CTDSPL: variants seen among roughly 807,000 people sequenced by gnomAD.
CTDSPL encodes CTD small phosphatase-like protein.
CTDSPL carries 8 observed loss-of-function variants against 30.5 expected under a neutral mutation model. The ratio of observed to expected loss-of-function variants is 0.26; its 90% CI spans 0.15 to 0.47. The LOEUF (loss-of-function observed/expected upper bound fraction) is 0.47. CTDSPL is among the 20% of genes least tolerant of loss of function. CTDSPL has a pLI of 0.99. For synonymous variants in CTDSPL, 110 were observed against 137.9 expected (o/e 0.80, Z 1.42); for missense variants, 248 against 366.1 (o/e 0.68, Z 2.63).
intron 3 of CTDSPL, among the ~76,000 whole-genome samples, chr3:37,961,079 A>G (rs1699240055): frequency 6.6e-6 from 1 of 152,146 alleles, no homozygotes; most frequent in African/African-American, 2.4e-5. Flanking sequence ...TTATACCTTT[A>G]AATCTTTGAT....
At chr3:37,958,566 A>G (rs1699201123) in intron 3 of CTDSPL, among the ~76,000 whole-genome samples, 1 of 152,240 alleles carries the variant, frequency 6.6e-6, no homozygotes, top group Non-Finnish European at 1.5e-5. Flanking sequence ...AGTTAAGTGC[A>G]GAACAAAAGC....
intron 6 of CTDSPL, among the ~76,000 whole-genome samples, chr3:37,974,595 T>C (rs1396936089): frequency 1.3e-5 from 2 of 152,236 alleles, no homozygotes; most frequent in South Asian, 2.1e-4. Flanking sequence ...TCTTCAGTTA[T>C]GAGGATTTTC....
intron 1 of CTDSPL, among the ~76,000 whole-genome samples, chr3:37,871,406 T>A (rs1698069882): frequency 6.6e-6 from 1 of 152,256 alleles, no homozygotes; most frequent in Non-Finnish European, 1.5e-5. Flanking sequence ...TGAATAAAGC[T>A]ACTATAAACA....
At chr3:37,966,350 C>T (rs1275393475) in intron 4 of CTDSPL, among the ~76,000 whole-genome samples, 1 of 152,186 alleles carries the variant, frequency 6.6e-6, no homozygotes, top group East Asian at 1.9e-4. Flanking sequence ...CTCTTCCCTT[C>T]GAAAATGTAC....
chr3:37,916,684 C>G (rs1318754701), intron 1 of CTDSPL, among the ~76,000 whole-genome samples: 1 of 152,166 alleles, frequency 6.6e-6, no homozygotes, highest in Non-Finnish European at 1.5e-5. Context: ...TTTCACACTT[C>G]CAGCCTTCAG....
intron 2 of CTDSPL, among the ~76,000 whole-genome samples, chr3:37,953,422 C>T (rs1272116918): frequency 1.3e-5 from 2 of 152,210 alleles, no homozygotes; most frequent in African/African-American, 4.8e-5. Context: ...AAGTAAGTCA[C>T]ATGACTGCAT....
At chr3:37,899,442 C>T (rs965477045) in intron 1 of CTDSPL, among the ~76,000 whole-genome samples, 1 of 152,136 alleles carries the variant, frequency 6.6e-6, no homozygotes. Flanking sequence ...CAAGGAAAGC[C>T]CCATGTGCAG....
Position 37,950,199 on chromosome 3 carries a change from C to T in CTDSPL, c.234+2988C>T, listed in dbSNP as rs576264968. 2.0e-5 allele frequency among the ~76,000 whole-genome samples: 3 copies of T among 152,292 alleles called. No homozygotes were observed. The South Asian group carries it at 6.2e-4, about 32-fold the overall frequency. ...GGGCTCTGCTGGGCCATGAAAACAGCACTCCTTGCTGGGCCTTGCAGTACT... is the reference window on the plus strand; with the variant it reads ...GGGCTCTGCTGGGCCATGAAAACAGTACTCCTTGCTGGGCCTTGCAGTACT... On this transcript the variant is annotated intron_variant, in intron 2 of 7. Transcript: ENST00000273179.
chr3:37,911,796 C>T (rs778616685), intron 1 of CTDSPL: 27 of 446,336 alleles, frequency 6.0e-5, no homozygotes, highest in African/African-American at 3.8e-4. Flanking sequence ...CGGTGGTTCA[C>T]GCCTATAATC....
intron 1 of CTDSPL, among the ~76,000 whole-genome samples, chr3:37,915,758 T>G (rs1698638437): frequency 6.6e-6 from 1 of 152,242 alleles, no homozygotes; most frequent in Non-Finnish European, 1.5e-5. Flanking sequence ...CTTTGTGAAC[T>G]GTTTCTATTG....
chr3:37,895,633 G>T (rs2125598727), intron 1 of CTDSPL, among the ~76,000 whole-genome samples: 1 of 152,264 alleles, frequency 6.6e-6, no homozygotes, highest in Admixed American at 6.5e-5. Context: ...TCTGAAATCT[G>T]CTTACTGTCT....
At chr3:37,881,979 T>C (rs1208983508) in intron 1 of CTDSPL, among the ~76,000 whole-genome samples, 1 of 152,210 alleles carries the variant, frequency 6.6e-6, no homozygotes, top group Non-Finnish European at 1.5e-5. Context: ...TATATAATTG[T>C]GATATTTATT....
chr3:37,963,219 T>A (rs1699262348), intron 3 of CTDSPL, among the ~76,000 whole-genome samples: 1 of 152,192 alleles, frequency 6.6e-6, no homozygotes, highest in African/African-American at 2.4e-5. Flanking sequence ...AACATGGAGT[T>A]AGAAATGCTT....
intron 1 of CTDSPL, among the ~76,000 whole-genome samples, chr3:37,898,861 G>A (rs1224907564): frequency 1.3e-5 from 2 of 152,160 alleles, no homozygotes; most frequent in African/African-American, 4.8e-5. Flanking sequence ...TTTATGTGTG[G>A]TCAGAGAAGC....
chr3:37,961,749 A>T (rs1699247568), intron 3 of CTDSPL, among the ~76,000 whole-genome samples: 1 of 152,200 alleles, frequency 6.6e-6, no homozygotes, highest in South Asian at 2.1e-4. Context: ...GGGCTTGAGG[A>T]GCACAGCGTG....
rs139631744 is a variant in CTDSPL, at chr3:37,874,082, T to C, written c.79+11804T>C. On this transcript the variant is annotated intron_variant, in intron 1 of 7. Transcript: ENST00000273179. ...AAACACAAAGGACCTTATATCTGGA[T>C]TTAGCACTCATGGTGCGTAGACAGG... Among the ~76,000 whole-genome samples the C allele has an allele frequency of 4.3e-3, 649 of 152,356 alleles. 3 individuals carry two copies. Among genetic ancestry groups the C allele is most frequent in the Non-Finnish European group, 6.9e-3 (469 of 68,028 alleles).
intron 1 of CTDSPL, among the ~76,000 whole-genome samples, chr3:37,930,127 A>G (rs1321835902): frequency 6.7e-6 from 1 of 149,248 alleles, no homozygotes. Flanking sequence ...AAAAAAAAAA[A>G]AAGAAGAAGG....
intron 1 of CTDSPL, among the ~76,000 whole-genome samples, chr3:37,874,750 T>TA (rs1195214583): frequency 1.3e-5 from 2 of 151,604 alleles, no homozygotes; most frequent in African/African-American, 2.4e-5. Flanking sequence ...ATAATAATAA[T>TA]AATAAATAAA....
At chr3:37,898,976 C>T (rs1372833742) in intron 1 of CTDSPL, among the ~76,000 whole-genome samples, 1 of 152,108 alleles carries the variant, frequency 6.6e-6, no homozygotes, top group East Asian at 1.9e-4. Context: ...ATCCAGGAGT[C>T]AACAGGATCC....
Sources: gnomAD v4.1 joint callset for allele counts (sites outside exome capture counted in the v4.1 genomes callset) on GRCh38, gnomAD v4.1.1 for gene constraint, MANE v1.5 for transcripts, NCBI Gene and HGNC (gene_info 2026-07-23, HGNC 2026-07-21) for gene names.